Variants in PDHX observed in about 807,000 individuals in gnomAD.
PDHX encodes the protein pyruvate dehydrogenase protein X component, mitochondrial.
In PDHX, 33 loss-of-function variants were observed where a neutral mutation model predicts 55.3. The observed-to-expected ratio is 0.60, with a 90% CI of 0.45 to 0.80. The LOEUF (loss-of-function observed/expected upper bound fraction) is 0.80. PDHX is among the 30% of genes least tolerant of loss of function. The pLI, the probability that PDHX is intolerant of heterozygous loss-of-function variation, is 0.00. For synonymous variants in PDHX, 226 were observed against 219.4 expected (o/e 1.03, Z -0.27); for missense variants, 622 against 619.9 (o/e 1.00, Z -0.04).
chr11:34,935,527 T>C (rs2985403), intron 2 of PDHX, among the ~76,000 whole-genome samples: 90,443 of 151,992 alleles, frequency 0.6, 28,117 homozygotes, highest in East Asian at 0.74. Context: ...CCATGTGTGG[T>C]GGTAGAGTCT....
At chr11:34,966,918 CT>C in intron 6 of PDHX, 104 bp downstream of exon 6, 1 of 975,058 alleles carries the variant, frequency 1.0e-6, no homozygotes, top group African/African-American at 1.6e-5. Context: ...ATGGCACAAT[CT>C]TGGCTCACTG....
Position 34,947,552 on chromosome 11 carries a change from C to CA in PDHX, c.291dup (p.Ala98SerfsTer9), listed in dbSNP as rs1223015151. On this transcript the variant is annotated frameshift_variant, in exon 3 of 11. Transcript: ENST00000227868. LOFTEE classifies it high-confidence loss of function. ...ATGCATTATGTGAAATTGAGACTGACAAAGCTGTGGTTACCTTAGATGCAA... is the reference window on the plus strand; with the variant it reads ...ATGCATTATGTGAAATTGAGACTGACAAAAGCTGTGGTTACCTTAGATGCAA... 4 of 1,613,518 alleles carry CA rather than the reference C, an allele frequency of 2.5e-6. No homozygotes were observed. Among genetic ancestry groups the CA allele is most frequent in the Non-Finnish European group, 3.4e-6 (4 of 1,179,562 alleles).
chr11:34,967,286 C>T (rs1219566719), intron 6 of PDHX, among the ~76,000 whole-genome samples: 1 of 152,156 alleles, frequency 6.6e-6, no homozygotes, highest in Non-Finnish European at 1.5e-5. Flanking sequence ...ATAAAACACT[C>T]CAAATGCTTT....
chr11:34,948,554 T>C lies in PDHX; in HGVS notation c.342+948T>C, dbSNP rs1854679468. ...AGACAATTTTTTATTTGTTTTTCTT[T>C]CTAGAAAATCCTCTTTTCCTTTTTT... is the stretch of plus-strand genomic sequence containing the variant. On this transcript the variant is annotated intron_variant, in intron 3 of 10. Transcript: ENST00000227868. Among the ~76,000 whole-genome samples the C allele has an allele frequency of 2.0e-5, 3 of 148,120 alleles. 1 individual carries two copies. Among genetic ancestry groups the C allele is most frequent in the Admixed American group, 6.9e-5 (1 of 14,468 alleles).
chr11:34,916,432 T>C (rs868532786), upstream of PDHX: 1 of 1,483,514 alleles, frequency 6.7e-7, no homozygotes, highest in East Asian at 2.5e-5. Flanking sequence ...GGGGCCGGGG[T>C]CTGGTAAGGC....
At chr11:34,960,749 TC>T (rs1855007209) in intron 5 of PDHX, among the ~76,000 whole-genome samples, 1 of 152,328 alleles carries the variant, frequency 6.6e-6, no homozygotes, top group East Asian at 1.9e-4. Flanking sequence ...CTAAGCAAGA[TC>T]CTTAGAAGTG....
intron 8 of PDHX, among the ~76,000 whole-genome samples, chr11:34,984,006 G>A (rs375993129): frequency 2.3e-4 from 35 of 152,094 alleles, no homozygotes; most frequent in South Asian, 4.1e-4. Flanking sequence ...GAGGCATCAC[G>A]CTACCTGACT....
At chr11:34,918,183 A>G (rs1478132674) in intron 1 of PDHX, among the ~76,000 whole-genome samples, 2 of 152,088 alleles carry the variant, frequency 1.3e-5, no homozygotes, top group Admixed American at 6.6e-5. Flanking sequence ...CACGCCTGTA[A>G]TCCCAGCACT....
rs539753549 is a variant in PDHX, at chr11:34,924,925, C to T, written c.161-6479C>T. 2.0e-4 allele frequency among the ~76,000 whole-genome samples: 30 copies of T among 152,158 alleles called. No individual in the cohort carries two copies. The East Asian group carries it at 2.1e-3, about 11-fold the overall frequency. On this transcript the variant is annotated intron_variant, in intron 1 of 10. Coordinates refer to ENST00000227868, the MANE Select transcript of PDHX (RefSeq NM_003477.3). ...TCTGTGGATGACTGCCGGTCAGTGC[C>T]GCCCTCTGTTTTCCCTCCCCAGTGA... is the stretch of plus-strand genomic sequence containing the variant.
At chr11:34,944,042 A>G (rs1259517791) in intron 2 of PDHX, among the ~76,000 whole-genome samples, 2 of 149,010 alleles carry the variant, frequency 1.3e-5, no homozygotes, top group African/African-American at 2.4e-5. Context: ...ATATGTATAT[A>G]TATTTTATAT....
intron 3 of PDHX, among the ~76,000 whole-genome samples, chr11:34,950,673 G>A (rs1275524893): frequency 1.1e-4 from 17 of 151,412 alleles, no homozygotes; most frequent in African/African-American, 3.2e-4. Context: ...ATGATTTCCA[G>A]TTTCATCCAT....
Position 34,933,351 on chromosome 11 carries a change from A to C in PDHX, c.241+1867A>C, listed in dbSNP as rs762235090. On this transcript the variant is annotated intron_variant, in intron 2 of 10. Transcript: ENST00000227868. ...TGATTATATGGCCCTAATAGATTAT[A>C]ACTGAAGGATAAAGCGTCTCCAAAA... Among the ~76,000 whole-genome samples the C allele has an allele frequency of 5.6e-4, 86 of 152,216 alleles. 1 individual carries two copies. The highest frequency in any genetic ancestry group is 1.0e-3 in the Non-Finnish European group (71 of 68,044).
intron 3 of PDHX, among the ~76,000 whole-genome samples, chr11:34,956,418 C>T: frequency 6.6e-6 from 1 of 152,076 alleles, no homozygotes; most frequent in South Asian, 2.1e-4. Flanking sequence ...AGTGGACGTC[C>T]TGCAGCCTAT....
chr11:34,995,068 A>G lies in PDHX; in HGVS notation c.1402A>G (p.Thr468Ala). Residue 468 changes from threonine to alanine, a missense_variant, in exon 11 of 11, where the codon ACA becomes GCA. Physicochemically the swap from Thr to Ala is moderately conservative, Grantham distance 58. Transcript: ENST00000227868. ...NAKLQQRQLI[T>A]VTMSSDSRVV... is the part of the protein sequence containing the mutation. Reference sequence around the variant, plus strand: ...CAAACTGCAGCAGCGCCAGCTCATAACAGTCACAATGTCAAGTGACAGTCG... The same window carrying G: ...CAAACTGCAGCAGCGCCAGCTCATAGCAGTCACAATGTCAAGTGACAGTCG... 1.2e-6 allele frequency: 2 copies of G among 1,614,074 alleles called. No individual in the cohort carries two copies. The highest frequency in any genetic ancestry group is 2.2e-5 in the South Asian group (2 of 91,090).
Position 34,934,439 on chromosome 11 carries a change from G to C in PDHX, c.241+2955G>C, listed in dbSNP as rs1444097462. 3.3e-5 allele frequency among the ~76,000 whole-genome samples: 5 copies of C among 152,082 alleles called. No individual in the cohort carries two copies. The East Asian group carries it at 9.6e-4, about 29-fold the overall frequency. ...GGTAGGGAAGAGCCCGGGGGAGGAA[G>C]GTGGGGGAACCTATAGCATACAAGA... On this transcript the variant is annotated intron_variant, in intron 2 of 10. Coordinates refer to ENST00000227868, the MANE Select transcript of PDHX (RefSeq NM_003477.3).
At position 34,957,443 on chromosome 11, in the gene PDHX, A is replaced by G. The variant is rs768560478; in HGVS notation, c.402A>G (p.Glu134=). The change falls in exon 4 of 11, where the codon GAA becomes GAG. Residue 134 remains glutamate, a synonymous_variant. Transcript: ENST00000227868. ...CACTAATTGGTTTGATAGTAGAAGAAGGAGAAGATTGGAAACATGTTGAAA... is the reference window on the plus strand; with the variant it reads ...CACTAATTGGTTTGATAGTAGAAGAGGGAGAAGATTGGAAACATGTTGAAA... ...LGSLIGLIVE[E]GEDWKHVEIP... The G allele has an allele frequency of 4.5e-5, 72 of 1,613,644 alleles. No homozygotes were observed. Among genetic ancestry groups the G allele is most frequent in the Non-Finnish European group, 6.1e-5 (72 of 1,179,666 alleles).
At chr11:34,921,866 A>G (rs1590725915) in intron 1 of PDHX, among the ~76,000 whole-genome samples, 1 of 152,342 alleles carries the variant, frequency 6.6e-6, no homozygotes, top group Middle Eastern at 3.4e-3. Context: ...AGAAGTAGCC[A>G]TCACATACTG....
chr11:34,945,264 C>T (rs1158201675), intron 2 of PDHX, among the ~76,000 whole-genome samples: 4 of 152,102 alleles, frequency 2.6e-5, no homozygotes, highest in African/African-American at 4.8e-5. Flanking sequence ...TTGAGTTTTA[C>T]ACTTTTTAAA....
intron 1 of PDHX, among the ~76,000 whole-genome samples, chr11:34,925,868 G>T (rs1854007062): frequency 6.6e-6 from 1 of 152,076 alleles, no homozygotes; most frequent in African/African-American, 2.4e-5. Flanking sequence ...TGAGATTAGG[G>T]ATGCTCAACC....
Sources: allele counts gnomAD v4.1 joint callset (sites outside exome capture counted in the v4.1 genomes callset), GRCh38; gene constraint gnomAD v4.1.1; transcripts MANE v1.5; gene names NCBI Gene and HGNC (gene_info 2026-07-23, HGNC 2026-07-21).